YEATS2: variants seen among roughly 807,000 people sequenced by gnomAD.
YEATS2 encodes the protein YEATS domain containing 2, also known as YEATS domain-containing protein 2.
Under a neutral mutation model 163.2 loss-of-function variants are expected in YEATS2, and 77 were observed. The observed-to-expected ratio is 0.47, with a 90% CI of 0.39 to 0.57. The LOEUF is 0.57. Ranked by LOEUF, YEATS2 falls within the 20% of genes least tolerant of loss-of-function variation. The probability of loss-of-function intolerance (pLI) is 0.00; values close to 1 mark genes in which losing one functional copy is unlikely to be tolerated. For missense variants in YEATS2, 1,549 were observed against 1,729.8 expected (o/e 0.90, Z 1.85); for synonymous variants, 631 against 645.1 (o/e 0.98, Z 0.33).
chr3:183,707,974 G>A (rs1338574866), intron 1 of YEATS2, among the ~76,000 whole-genome samples: 1 of 151,832 alleles, frequency 6.6e-6, no homozygotes, highest in Non-Finnish European at 1.5e-5. Context: ...AGCATGCCCG[G>A]CGTCCCCCTC....
chr3:183,718,696 T>G, intron 4 of YEATS2, 104 bp downstream of exon 4: 1 of 1,033,204 alleles, frequency 9.7e-7, no homozygotes, highest in Non-Finnish European at 1.4e-6. Flanking sequence ...TTTCTTTCTG[T>G]TTGTTTTTTG....
intron 29 of YEATS2, 119 bp from the exon 30 acceptor site, chr3:183,808,978 C>A: frequency 1.1e-6 from 1 of 951,124 alleles, no homozygotes; most frequent in Non-Finnish European, 1.6e-6. Flanking sequence ...TTCTTAAGGA[C>A]TTTTTAATCC....
chr3:183,771,315 G>T (rs1722433597), intron 15 of YEATS2, among the ~76,000 whole-genome samples: 1 of 152,058 alleles, frequency 6.6e-6, no homozygotes, highest in Admixed American at 6.6e-5. Flanking sequence ...TCTAGTTTCT[G>T]GTGAGAAGTT....
At chr3:183,759,748 G>A (rs564876163) in intron 13 of YEATS2, among the ~76,000 whole-genome samples, 1 of 152,268 alleles carries the variant, frequency 6.6e-6, no homozygotes, top group South Asian at 2.1e-4. Flanking sequence ...GCTTACGCTG[G>A]GGTTATATTC....
rs1177449412 is a variant in YEATS2 at position 183,760,083 on chromosome 3, TC to T, written c.1656+1120del. ...ACACTAATGATGATATTGAATGACT[TC>T]CTGGTCCAAGGCGAGGCTGTTCTCT... On this transcript the variant is annotated intron_variant, in intron 13 of 30. Coordinates refer to ENST00000305135, the MANE Select transcript of YEATS2 (RefSeq NM_018023.5). Among the ~76,000 whole-genome samples the T allele has an allele frequency of 3.3e-5, 5 of 152,172 alleles. No homozygotes were observed. The East Asian group carries it at 9.6e-4, about 29-fold the overall frequency.
chr3:183,768,498 A>T (rs1722134418), intron 15 of YEATS2, among the ~76,000 whole-genome samples: 1 of 152,160 alleles, frequency 6.6e-6, no homozygotes, highest in Admixed American at 6.5e-5. Flanking sequence ...TTCAACTAGC[A>T]GTTTCTGCCA....
At chr3:183,784,771 T>C (rs263016) in intron 19 of YEATS2, among the ~76,000 whole-genome samples, 72,085 of 149,886 alleles carry the variant, frequency 0.48, 17,757 homozygotes, top group Middle Eastern at 0.63. Flanking sequence ...TGCATACTCT[T>C]GCCATTAAAA....
intron 15 of YEATS2, among the ~76,000 whole-genome samples, chr3:183,768,408 G>A (rs115387297): frequency 0.045 from 6,825 of 152,256 alleles, 207 homozygotes; most frequent in Middle Eastern, 0.092. Flanking sequence ...ATAGAGTTGT[G>A]ATTCCATGTG....
intron 11 of YEATS2, among the ~76,000 whole-genome samples, chr3:183,756,055 C>T (rs1401911883): frequency 3.3e-5 from 5 of 152,036 alleles, no homozygotes; most frequent in Admixed American, 6.6e-5. Flanking sequence ...GTCTCATGCC[C>T]GGTCTCTAAT....
chr3:183,755,255 C>T (rs1278470290), intron 11 of YEATS2, among the ~76,000 whole-genome samples: 18 of 152,080 alleles, frequency 1.2e-4, no homozygotes, highest in African/African-American at 4.1e-4. Context: ...GTAGCTGGGA[C>T]TGCAGGCACG....
chr3:183,775,689 C>A (rs769035054), intron 17 of YEATS2, among the ~76,000 whole-genome samples: 4 of 152,172 alleles, frequency 2.6e-5, no homozygotes, highest in Non-Finnish European at 2.9e-5. Context: ...AGCCGAAATA[C>A]AGTCAGTTGT....
intron 19 of YEATS2, among the ~76,000 whole-genome samples, chr3:183,782,502 C>T (rs984772431): frequency 8.5e-5 from 13 of 152,058 alleles, no homozygotes; most frequent in African/African-American, 2.9e-4. Flanking sequence ...CAGCTCACTA[C>T]GACCTCTGTC....
At position 183,773,672 on chromosome 3, in the gene YEATS2, A is replaced by G. The variant is rs760188313; in HGVS notation, c.2246A>G (p.Asn749Ser). The change falls in exon 17 of 31, where the codon AAC (asparagine) becomes AGC (serine). Residue 749 changes from asparagine to serine, a missense_variant. By Grantham distance (46) the Asn-to-Ser change is conservative. Coordinates refer to ENST00000305135, the MANE Select transcript of YEATS2 (RefSeq NM_018023.5). The stretch of plus-strand genomic sequence containing the variant: ...CAGCTACCAGCCACTAATTTGGCCA[A>G]CTTGGCAAATTTGCCTCCTGGCACT... ...TLQLPATNLA[N>S]LANLPPGTKL... The G allele has an allele frequency of 1.1e-5, 18 of 1,611,640 alleles. No individual in the cohort carries two copies. Among genetic ancestry groups the G allele is most frequent in the African/African-American group, 8.0e-5 (6 of 74,788 alleles).
chr3:183,790,448 C>T (rs2108480312), intron 20 of YEATS2, among the ~76,000 whole-genome samples: 1 of 152,186 alleles, frequency 6.6e-6, no homozygotes, highest in Non-Finnish European at 1.5e-5. Context: ...CTTAATAAAG[C>T]TCATTTTTAG....
At chr3:183,704,953 T>C (rs1440195090) in intron 1 of YEATS2, among the ~76,000 whole-genome samples, 1 of 152,188 alleles carries the variant, frequency 6.6e-6, no homozygotes, top group African/African-American at 2.4e-5. Flanking sequence ...TAGATATTTT[T>C]AAAAGATTTT....
At chr3:183,797,836 A>T (rs183243445) in intron 21 of YEATS2, 87 bp from the exon 22 acceptor site, 2 of 1,549,644 alleles carry the variant, frequency 1.3e-6, no homozygotes, top group Non-Finnish European at 1.8e-6. Flanking sequence ...AACTTCCTCC[A>T]TGACAAAATA....
intron 8 of YEATS2, among the ~76,000 whole-genome samples, chr3:183,746,514 C>T (rs1719553216): frequency 6.6e-6 from 1 of 152,198 alleles, no homozygotes; most frequent in Non-Finnish European, 1.5e-5. Flanking sequence ...AGTTCCTCTT[C>T]TTGTTTTGAT....
At chr3:183,762,377 TG>T (rs1721457879) in intron 15 of YEATS2, 98 bp downstream of exon 15, 1 of 1,413,704 alleles carries the variant, frequency 7.1e-7, no homozygotes, top group Non-Finnish European at 9.4e-7. Flanking sequence ...ACAGGGTTGA[TG>T]ATCCCATAAG....
At chr3:183,746,691 C>G (rs1440851560) in intron 8 of YEATS2, among the ~76,000 whole-genome samples, 1 of 147,260 alleles carries the variant, frequency 6.8e-6, no homozygotes, top group South Asian at 2.1e-4. Flanking sequence ...ATACTGTTAG[C>G]TAAGGTTTAA....
Sources: gnomAD v4.1 joint callset for allele counts (sites outside exome capture counted in the v4.1 genomes callset) on GRCh38, gnomAD v4.1.1 for gene constraint, MANE v1.5 for transcripts, NCBI Gene and HGNC (gene_info 2026-07-23, HGNC 2026-07-21) for gene names.